DOCK8: variants seen among roughly 807,000 people sequenced by gnomAD.
DOCK8 encodes dedicator of cytokinesis protein 8.
DOCK8 carries 141 observed loss-of-function variants against 245.6 expected under a neutral mutation model. The observed-to-expected ratio is 0.57, with a 90% confidence interval of 0.50 to 0.66. The LOEUF (loss-of-function observed/expected upper bound fraction) is 0.66. Among genes scored for constraint, DOCK8 ranks in the 30% least tolerant of loss-of-function variants. DOCK8 has a pLI of 0.00. For missense variants in DOCK8, 2,965 were observed against 2,603.4 expected (o/e 1.14, Z -3.02); for synonymous variants, 1,168 against 970.2 (o/e 1.20, Z -3.79).
chr9:344,548 C>T (rs896304929), intron 14 of DOCK8, among the ~76,000 whole-genome samples: 8 of 152,014 alleles, frequency 5.3e-5, no homozygotes, highest in Admixed American at 2.6e-4. Context: ...TGACTAAGTT[C>T]GCCTTGGGTG....
chr9:410,332 T>C, intron 28 of DOCK8, among the ~76,000 whole-genome samples: 1 of 152,226 alleles, frequency 6.6e-6, no homozygotes, highest in South Asian at 2.1e-4. Context: ...TTGAATTTCA[T>C]AGTCTTTTGC....
Position 465,002 on chromosome 9 carries a change from C to G in DOCK8, c.*783C>G, listed in dbSNP as rs1203935962. 4 of 152,504 alleles carry G rather than the reference C, an allele frequency of 2.6e-5. No homozygotes were observed. Among genetic ancestry groups the G allele is most frequent in the Non-Finnish European group, 4.4e-5 (3 of 68,116 alleles). The allele number at this position is 152,504 out of a possible 1,614,324, so 9.4% of individuals were successfully genotyped here. On this transcript the variant is annotated 3_prime_UTR_variant, in exon 48 of 48. Coordinates refer to ENST00000432829, the MANE Select transcript of DOCK8 (RefSeq NM_203447.4). ...TTTTTTCTTATGTCACTCTTGTGTA[C>G]TATCTATTTTTCTCCTCTCTGGGAC...
chr9:229,828 C>A (rs2047067806), intron 1 of DOCK8, among the ~76,000 whole-genome samples: 1 of 151,892 alleles, frequency 6.6e-6, no homozygotes, highest in African/African-American at 2.4e-5. Context: ...TAACAGCCAA[C>A]CAAACCATCC....
intron 42 of DOCK8, among the ~76,000 whole-genome samples, chr9:442,675 C>T (rs1166181638): frequency 6.6e-6 from 1 of 151,224 alleles, no homozygotes. Flanking sequence ...ACTAAGAACT[C>T]AGTCAAAGGT....
chr9:340,443 A>G (rs531864975), intron 14 of DOCK8, 122 bp downstream of exon 14: 1 of 1,266,170 alleles, frequency 7.9e-7, no homozygotes, highest in South Asian at 1.3e-5. Context: ...CAACATGGCA[A>G]AACCGTGTCT....
chr9:380,136 T>A, intron 21 of DOCK8: 1 of 241,368 alleles, frequency 4.1e-6, no homozygotes, highest in Non-Finnish European at 7.6e-6. Flanking sequence ...GAGGCTGAGA[T>A]GGCAGGATCG....
chr9:244,915 G>A (rs1303677309), intron 1 of DOCK8, among the ~76,000 whole-genome samples: 3 of 152,192 alleles, frequency 2.0e-5, no homozygotes, highest in Admixed American at 6.5e-5. Flanking sequence ...TCTGGGGACA[G>A]GTGCCTTTCT....
At chr9:419,191 T>C (rs1221228511) in intron 30 of DOCK8, among the ~76,000 whole-genome samples, 1 of 152,206 alleles carries the variant, frequency 6.6e-6, no homozygotes, top group Non-Finnish European at 1.5e-5. Flanking sequence ...AACTTTCTTC[T>C]CCCGTGAGAA....
chr9:370,382 T>C, intron 16 of DOCK8, 82 bp downstream of exon 16: 1 of 1,236,514 alleles, frequency 8.1e-7, no homozygotes, highest in Non-Finnish European at 1.2e-6. Flanking sequence ...GGGTGGTTCC[T>C]CCTAACTATT....
rs182650739 is a variant in DOCK8 at position 239,931 on chromosome 9, C to G, written c.53+24902C>G. ...AGGATACAGCGTAATTTAACTCAGT[C>G]TGTATTGAGCTACATTGATTTCCAG... On this transcript the variant is annotated intron_variant, in intron 1 of 47. Transcript: ENST00000432829. 2.0e-5 allele frequency among the ~76,000 whole-genome samples: 3 copies of G among 152,302 alleles called. No homozygotes were observed. The East Asian group carries it at 5.8e-4, about 29-fold the overall frequency.
chr9:405,614 C>T (rs1268160845), intron 27 of DOCK8, among the ~76,000 whole-genome samples: 1 of 152,148 alleles, frequency 6.6e-6, no homozygotes, highest in South Asian at 2.1e-4. Context: ...AAATGTTACT[C>T]TGGAATAACT....
intron 4 of DOCK8, among the ~76,000 whole-genome samples, chr9:292,673 G>C (rs811995): frequency 0.91 from 137,934 of 151,634 alleles, 62,794 homozygotes; most frequent in Admixed American, 0.93. Context: ...AAGATATTAA[G>C]CCTTGTCTAC....
At chr9:440,256 G>A (rs990737033) in intron 40 of DOCK8, among the ~76,000 whole-genome samples, 2 of 152,178 alleles carry the variant, frequency 1.3e-5, no homozygotes, top group African/African-American at 2.4e-5. Flanking sequence ...CTGGCCTCAA[G>A]TGATCTGCCC....
At chr9:259,220 G>A (rs140536447) in intron 1 of DOCK8, among the ~76,000 whole-genome samples, 6 of 152,050 alleles carry the variant, frequency 3.9e-5, no homozygotes, top group South Asian at 2.1e-4. Flanking sequence ...GGAGGATCTC[G>A]TAAGTCCTGG....
chr9:301,709 C>CT (rs1315685360), intron 4 of DOCK8, among the ~76,000 whole-genome samples: 1 of 152,146 alleles, frequency 6.6e-6, no homozygotes, highest in African/African-American at 2.4e-5. Flanking sequence ...CCAATAATGT[C>CT]TAAGTTGAGG....
intron 1 of DOCK8, among the ~76,000 whole-genome samples, chr9:255,000 C>T (rs2047734188): frequency 6.6e-6 from 1 of 152,110 alleles, no homozygotes; most frequent in Admixed American, 6.6e-5. Flanking sequence ...TTGAGGGTCA[C>T]CACTGGAGAG....
chr9:386,498 G>T, intron 23 of DOCK8, 72 bp downstream of exon 23: 1 of 1,362,720 alleles, frequency 7.3e-7, no homozygotes, highest in Non-Finnish European at 1.0e-6. Context: ...CTCACACTGT[G>T]CTTGGGAATA....
intron 1 of DOCK8, among the ~76,000 whole-genome samples, chr9:231,795 TG>T (rs2047123923): frequency 6.6e-6 from 1 of 152,214 alleles, no homozygotes; most frequent in Admixed American, 6.5e-5. Flanking sequence ...GAGGAGATTT[TG>T]GGCTGAGACA....
chr9:273,302 A>C (rs1273952931), intron 2 of DOCK8, among the ~76,000 whole-genome samples: 1 of 152,152 alleles, frequency 6.6e-6, no homozygotes, highest in Non-Finnish European at 1.5e-5. Context: ...TGTGTTTCAG[A>C]ATTGCAGAGT....
Sources: gnomAD v4.1 joint callset for allele counts (sites outside exome capture counted in the v4.1 genomes callset) on GRCh38, gnomAD v4.1.1 for gene constraint, MANE v1.5 for transcripts, NCBI Gene and HGNC (gene_info 2026-07-23, HGNC 2026-07-21) for gene names.